Variants in SEMA3D observed in about 807,000 individuals in gnomAD.
SEMA3D encodes semaphorin-3D.
A neutral mutation model predicts 100.1 loss-of-function variants in SEMA3D; 84 were observed. The observed-to-expected ratio is 0.84, with a 90% confidence interval of 0.70 to 1.01. The LOEUF is 1.01. SEMA3D is among the 50% of genes least tolerant of loss of function. The pLI, the probability that SEMA3D is intolerant of heterozygous loss-of-function variation, is 0.00. For synonymous variants in SEMA3D, 312 were observed against 320.7 expected (o/e 0.97, Z 0.29); for missense variants, 875 against 934.1 (o/e 0.94, Z 0.82).
intron 1 of SEMA3D, among the ~76,000 whole-genome samples, chr7:85,184,547 A>T (rs1402346073): frequency 2.0e-5 from 3 of 151,806 alleles, no homozygotes; most frequent in African/African-American, 7.3e-5. Context: ...TGACACTTGT[A>T]TCATATTGTT....
chr7:85,063,272 T>G (rs1242130667), intron 8 of SEMA3D, among the ~76,000 whole-genome samples: 1 of 152,130 alleles, frequency 6.6e-6, no homozygotes, highest in Admixed American at 6.5e-5. Context: ...AGGGACACTT[T>G]TAAGAGTAAA....
chr7:85,033,870 C>A (rs191360609), intron 12 of SEMA3D, among the ~76,000 whole-genome samples: 1,887 of 151,462 alleles, frequency 0.012, 48 homozygotes, highest in African/African-American at 0.044. Flanking sequence ...CACACACACA[C>A]ACACACACAC....
At chr7:85,226,691 T>G in the SEMA3D span, among the ~76,000 whole-genome samples, 306 of 152,240 alleles carry the variant, frequency 2.0e-3, 1 homozygote, top group African/African-American at 7.1e-3. Flanking sequence ...GATTTTTTTT[T>G]TTGTTAGTCT....
intron 1 of SEMA3D, among the ~76,000 whole-genome samples, chr7:85,159,411 C>T (rs1478881797): frequency 6.6e-6 from 1 of 152,138 alleles, no homozygotes; most frequent in Non-Finnish European, 1.5e-5. Context: ...TCCTCTAACT[C>T]TAGTCCTCAT....
At chr7:85,194,875 A>G in the SEMA3D span, among the ~76,000 whole-genome samples, 1 of 151,916 alleles carries the variant, frequency 6.6e-6, no homozygotes, top group African/African-American at 2.4e-5. Context: ...GTGTGTCCTA[A>G]TCTCCTCTTC....
rs1791060330 is a variant in SEMA3D at position 85,170,657 on chromosome 7, G to A, written c.-173+16021C>T. On this transcript the variant is annotated intron_variant, in intron 1 of 18. Transcript: ENST00000284136. ...CTTCTTTTATATTCTCATTACCATTGCAATAGTCTAGCCCATATCACATAT... is the reference window on the plus strand; with the variant it reads ...CTTCTTTTATATTCTCATTACCATTACAATAGTCTAGCCCATATCACATAT... Among the ~76,000 whole-genome samples the A allele has an allele frequency of 2.0e-5, 3 of 151,768 alleles. No individual in the cohort carries two copies. The South Asian group carries it at 6.2e-4, about 32-fold the overall frequency.
intron 4 of SEMA3D, among the ~76,000 whole-genome samples, chr7:85,083,534 T>A (rs527478794): frequency 2.6e-5 from 4 of 152,206 alleles, no homozygotes; most frequent in Non-Finnish European, 5.9e-5. Context: ...GCAAAAATAC[T>A]GGACTGAGTG....
At chr7:85,230,105 A>G in the SEMA3D span, among the ~76,000 whole-genome samples, 108 of 152,272 alleles carry the variant, frequency 7.1e-4, no homozygotes, top group African/African-American at 2.4e-3. Context: ...GATTATATCC[A>G]TATTTCTACA....
At chr7:85,176,626 G>A (rs1008073004) in intron 1 of SEMA3D, among the ~76,000 whole-genome samples, 1 of 151,916 alleles carries the variant, frequency 6.6e-6, no homozygotes, top group African/African-American at 2.4e-5. Context: ...AAATTATATA[G>A]AAAAGTGAAA....
chr7:85,079,228 T>A (rs1396775484), intron 5 of SEMA3D, among the ~76,000 whole-genome samples: 1 of 152,182 alleles, frequency 6.6e-6, no homozygotes, highest in Admixed American at 6.5e-5. Context: ...AGGTTATACA[T>A]GTAAATCATT....
intron 2 of SEMA3D, chr7:85,140,946 T>C: frequency 3.3e-6 from 2 of 598,044 alleles, no homozygotes; most frequent in Non-Finnish European, 4.2e-6. Flanking sequence ...TCTTTATTTT[T>C]CCCTATTTTC....
intron 1 of SEMA3D, among the ~76,000 whole-genome samples, chr7:85,160,804 C>G (rs1250027797): frequency 6.6e-6 from 1 of 152,066 alleles, no homozygotes; most frequent in Non-Finnish European, 1.5e-5. Flanking sequence ...GGATGAGCAA[C>G]AAGTTGATAG....
intron 6 of SEMA3D, among the ~76,000 whole-genome samples, chr7:85,068,872 T>C (rs1791697395): frequency 6.6e-6 from 1 of 152,190 alleles, no homozygotes; most frequent in South Asian, 2.1e-4. Flanking sequence ...ACGAAAACAC[T>C]GTACACATTA....
intron 3 of SEMA3D, among the ~76,000 whole-genome samples, chr7:85,117,808 G>GTATGTATC (rs1341863060): frequency 2.3e-4 from 28 of 120,672 alleles, no homozygotes; most frequent in African/African-American, 1.0e-3. Flanking sequence ...ATGTATGTAT[G>GTATGTATC]TATCTATCTA....
intron 8 of SEMA3D, among the ~76,000 whole-genome samples, chr7:85,064,837 A>C (rs1241120099): frequency 6.6e-6 from 1 of 152,156 alleles, no homozygotes; most frequent in African/African-American, 2.4e-5. Flanking sequence ...TGAAACTCAA[A>C]ATATTGTATG....
intron 3 of SEMA3D, among the ~76,000 whole-genome samples, 167 bp downstream of exon 3, chr7:85,121,574 C>T (rs1789413313): frequency 6.6e-6 from 1 of 152,120 alleles, no homozygotes; most frequent in Non-Finnish European, 1.5e-5. Flanking sequence ...TCTTTTTCCT[C>T]ACAAAAATGA....
intron 2 of SEMA3D, among the ~76,000 whole-genome samples, chr7:85,146,286 G>A (rs908398126): frequency 2.6e-5 from 4 of 151,688 alleles, no homozygotes; most frequent in Admixed American, 1.3e-4. Context: ...CAGGAGTGGC[G>A]TCTCACATGT....
the SEMA3D span, among the ~76,000 whole-genome samples, chr7:85,230,557 T>C: frequency 6.6e-6 from 1 of 152,308 alleles, no homozygotes; most frequent in African/African-American, 2.4e-5. Context: ...GTATGAAGTG[T>C]TTTCATTTCC....
At chr7:85,072,530 C>A (rs1468162191) in intron 6 of SEMA3D, among the ~76,000 whole-genome samples, 1 of 152,098 alleles carries the variant, frequency 6.6e-6, no homozygotes, top group African/African-American at 2.4e-5. Flanking sequence ...TAAAGACATA[C>A]ATGGAGCCCA....
Sources: allele counts gnomAD v4.1 joint callset (sites outside exome capture counted in the v4.1 genomes callset), GRCh38; gene constraint gnomAD v4.1.1; transcripts MANE v1.5; gene names NCBI Gene and HGNC (gene_info 2026-07-23, HGNC 2026-07-21).